Variants in IFT80 observed in about 807,000 individuals in gnomAD.
IFT80 encodes the protein intraflagellar transport 80.
Under a neutral mutation model 107.9 loss-of-function variants are expected in IFT80, and 79 were observed. The ratio of observed to expected loss-of-function variants is 0.73; its 90% CI spans 0.61 to 0.88. The LOEUF (loss-of-function observed/expected upper bound fraction) is 0.88. Ranked by LOEUF, IFT80 falls within the 40% of genes least tolerant of loss-of-function variation. The pLI, the probability that IFT80 is intolerant of heterozygous loss-of-function variation, is 0.00. For synonymous variants in IFT80, 299 were observed against 300.9 expected (o/e 0.99, Z 0.07); for missense variants, 797 against 914.2 (o/e 0.87, Z 1.65).
At chr3:160,342,858 A>C (rs1224442136) in intron 8 of IFT80, 5 of 152,316 alleles carry the variant, frequency 3.3e-5, no homozygotes, top group Admixed American at 2.0e-4. Context: ...CAACATAGTG[A>C]CTCCTGGTGG....
At chr3:160,289,955 G>A (rs749926006) in intron 12 of IFT80, among the ~76,000 whole-genome samples, 2 of 152,174 alleles carry the variant, frequency 1.3e-5, no homozygotes, top group Non-Finnish European at 2.9e-5. Context: ...CAATTAAATT[G>A]AGAGGGTACA....
chr3:160,338,850 A>G (rs1719680585), intron 8 of IFT80, among the ~76,000 whole-genome samples: 1 of 152,014 alleles, frequency 6.6e-6, no homozygotes, highest in Non-Finnish European at 1.5e-5. Flanking sequence ...TTTCCCCTAC[A>G]TTCTGCTCCC....
At chr3:160,295,756 T>C (rs191768117) in intron 12 of IFT80, among the ~76,000 whole-genome samples, 34 of 152,178 alleles carry the variant, frequency 2.2e-4, no homozygotes, top group African/African-American at 7.5e-4. Flanking sequence ...TAAATATCCA[T>C]TGACAGATGA....
chr3:160,359,932 C>T (rs936877900), intron 6 of IFT80, among the ~76,000 whole-genome samples: 6 of 152,090 alleles, frequency 3.9e-5, no homozygotes, highest in African/African-American at 1.4e-4. Flanking sequence ...TTCTAAAAAC[C>T]AGAACACCCC....
At chr3:160,365,987 T>C in intron 6 of IFT80, 56 bp downstream of exon 6, 1 of 1,328,056 alleles carries the variant, frequency 7.5e-7, no homozygotes, top group Non-Finnish European at 1.1e-6. Flanking sequence ...GCAAGTGCCC[T>C]CTAGTTTAGC....
At chr3:160,378,976 T>C (rs998577705) in intron 3 of IFT80, among the ~76,000 whole-genome samples, 2 of 152,152 alleles carry the variant, frequency 1.3e-5, no homozygotes, top group Non-Finnish European at 2.9e-5. Flanking sequence ...ATGAAGAAGA[T>C]AATATTTTTA....
chr3:160,348,813 A>C (rs1218991434), intron 8 of IFT80, among the ~76,000 whole-genome samples: 1 of 152,228 alleles, frequency 6.6e-6, no homozygotes, highest in Non-Finnish European at 1.5e-5. Context: ...AACTGAAAGA[A>C]GTCAGTCACA....
rs1367445066 is a variant in IFT80 at position 160,307,753 on chromosome 3, T to C, written c.986A>G (p.Asp329Gly). The C allele has an allele frequency of 6.3e-7, 1 of 1,588,382 alleles. No homozygotes were observed. Among genetic ancestry groups the C allele is most frequent in the South Asian group, 1.1e-5 (1 of 90,526 alleles). ...QVRNVLNDAV[D>G]LLEFRDRVIK... Reference sequence around the variant, plus strand: ...GACTCTATCACGGAATTCCAGTAAATCCACTGCATCATTAAGAACATTACG... The same window carrying C: ...GACTCTATCACGGAATTCCAGTAAACCCACTGCATCATTAAGAACATTACG... Residue 329 changes from aspartate to glycine, a missense_variant, in exon 10 of 20, where the codon GAT becomes GGT. By Grantham distance (94) the Asp-to-Gly change is moderately conservative. Coordinates refer to ENST00000326448, the MANE Select transcript of IFT80 (RefSeq NM_020800.3).
At chr3:160,264,829 A>G (rs1390915527) in intron 19 of IFT80, among the ~76,000 whole-genome samples, 1 of 152,070 alleles carries the variant, frequency 6.6e-6, no homozygotes, top group South Asian at 2.1e-4. Context: ...CCTAAAGTCA[A>G]TCCCTCCATT....
intron 8 of IFT80, among the ~76,000 whole-genome samples, chr3:160,325,788 A>C (rs942980931): frequency 6.6e-6 from 1 of 152,102 alleles, no homozygotes; most frequent in African/African-American, 2.4e-5. Context: ...TACATGAAAC[A>C]AAGTTTTGTA....
rs59645618 is a variant in IFT80 at position 160,370,651 on chromosome 3, C to T, written c.440-4499G>A. Among the ~76,000 whole-genome samples, 935 of 152,214 alleles carry T rather than the reference C, an allele frequency of 6.1e-3. 10 individuals carry two copies. The highest frequency in any genetic ancestry group is 0.022 in the African/African-American group (905 of 41,538). ...CACCTTTCACTTAATGTAACTTACT[C>T]CCAAATTAATATTTTAGCCTTTACC... On this transcript the variant is annotated intron_variant, in intron 5 of 19. Coordinates refer to ENST00000326448, the MANE Select transcript of IFT80 (RefSeq NM_020800.3).
At chr3:160,338,283 A>C (rs939482126) in intron 8 of IFT80, among the ~76,000 whole-genome samples, 2 of 152,104 alleles carry the variant, frequency 1.3e-5, no homozygotes, top group African/African-American at 4.8e-5. Context: ...CCTTTCCCCC[A>C]TTGGCCTGGC....
intron 6 of IFT80, among the ~76,000 whole-genome samples, chr3:160,360,333 C>A (rs372171167): frequency 6.6e-6 from 1 of 152,128 alleles, no homozygotes; most frequent in Admixed American, 6.5e-5. Flanking sequence ...ACGAACAAAG[C>A]CTCCAAGAAA....
intron 1 of IFT80, among the ~76,000 whole-genome samples, chr3:160,391,803 G>C (rs990997646): frequency 3.3e-5 from 5 of 152,184 alleles, no homozygotes; most frequent in African/African-American, 1.2e-4. Flanking sequence ...CTGACCTTGT[G>C]GAAAGTCACA....
chr3:160,303,662 C>T (rs1156528372), intron 11 of IFT80, among the ~76,000 whole-genome samples: 5 of 152,066 alleles, frequency 3.3e-5, no homozygotes, highest in Non-Finnish European at 7.4e-5. Context: ...ATCGTAAATG[C>T]TGATATATTT....
intron 6 of IFT80, 71 bp from the exon 7 acceptor site, chr3:160,357,649 AT>A: frequency 1.0e-6 from 1 of 991,734 alleles, no homozygotes; most frequent in South Asian, 1.4e-5. Flanking sequence ...TAAGAAATAT[AT>A]TTTGCCTCTT....
At chr3:160,272,953 T>C (rs868491418) in intron 18 of IFT80, among the ~76,000 whole-genome samples, 1 of 152,156 alleles carries the variant, frequency 6.6e-6, no homozygotes. Flanking sequence ...GCCCTGTGCA[T>C]AGGTTATATG....
At chr3:160,383,562 TTAG>T in intron 2 of IFT80, 11 of 800,688 alleles carry the variant, frequency 1.4e-5, no homozygotes, top group Non-Finnish European at 1.2e-5. Context: ...AAATAAAATA[TTAG>T]AAAAATTGGA....
intron 6 of IFT80, among the ~76,000 whole-genome samples, chr3:160,357,900 A>T (rs7645417): frequency 1.8e-4 from 28 of 152,236 alleles, no homozygotes; most frequent in African/African-American, 6.8e-4. Flanking sequence ...CTGAATGAAT[A>T]TGTTATGTAT....
Sources: gnomAD v4.1 joint callset for allele counts (sites outside exome capture counted in the v4.1 genomes callset) on GRCh38, gnomAD v4.1.1 for gene constraint, MANE v1.5 for transcripts, NCBI Gene and HGNC (gene_info 2026-07-23, HGNC 2026-07-21) for gene names.